ATP6V1B2: variants seen among roughly 807,000 people sequenced by gnomAD.
ATP6V1B2 encodes V-type proton ATPase subunit B, brain isoform.
Under a neutral mutation model 66.7 loss-of-function variants are expected in ATP6V1B2, and 23 were observed. That is an observed-to-expected ratio of 0.34 (90% CI 0.25 to 0.49). The LOEUF (loss-of-function observed/expected upper bound fraction) is 0.49, where lower values mean the gene tolerates loss of function less well. Among genes scored for constraint, ATP6V1B2 ranks in the 20% least tolerant of loss-of-function variants. The pLI is 0.99. For synonymous variants in ATP6V1B2, 278 were observed against 236.7 expected, an observed-to-expected ratio of 1.17 and a Z score of -1.60; for missense variants, 478 against 650.8, an observed-to-expected ratio of 0.73 and a Z score of 2.89.
chr8:20,206,772 G>T (rs2072742520), intron 2 of ATP6V1B2, among the ~76,000 whole-genome samples: 1 of 152,108 alleles, frequency 6.6e-6, no homozygotes, highest in African/African-American at 2.4e-5. Context: ...TAGCAGCGGT[G>T]ATTAGTCAAT....
rs764106165 is a variant in ATP6V1B2 at position 20,197,450 on chromosome 8, C to G, written c.44C>G (p.Pro15Arg). Residue 15 changes from proline to arginine, a missense_variant, in exon 1 of 14, where the codon CCC (proline) becomes CGC (arginine). Coordinates refer to ENST00000276390, the MANE Select transcript of ATP6V1B2 (RefSeq NM_001693.4). ...CGGGGGATTGTCAACGGGGCCGCAC[C>G]CGAGCTACCCGTGCCCACCGGTGGG... ...AMRGIVNGAA[P>R]ELPVPTGGPA... The G allele has an allele frequency of 2.6e-6, 4 of 1,541,098 alleles. No individual in the cohort carries two copies. The African/African-American group carries it at 4.3e-5, about 16-fold the overall frequency.
intron 2 of ATP6V1B2, among the ~76,000 whole-genome samples, chr8:20,206,105 A>G (rs998006391): frequency 4.6e-5 from 7 of 152,232 alleles, no homozygotes; most frequent in Non-Finnish European, 1.0e-4. Context: ...GCAGCAAATC[A>G]AGTACTTAGA....
In ATP6V1B2 at chr8:20,212,819, A is replaced by G. The variant is rs200116509; in HGVS notation, c.841A>G (p.Thr281Ala). 3 of 1,613,788 alleles carry G rather than the reference A, an allele frequency of 1.9e-6. No homozygotes were observed. Among genetic ancestry groups the G allele is most frequent in the East Asian group, 2.2e-5 (1 of 44,864 alleles). The change falls in exon 9 of 14, where the codon ACA becomes GCA. Residue 281 changes from threonine to alanine, a missense_variant. Around this residue, in one of 2 missense-constraint regions of ATP6V1B2, gnomAD observed 326 missense variants for 545.6 expected, o/e 0.60. Coordinates refer to ENST00000276390, the MANE Select transcript of ATP6V1B2 (RefSeq NM_001693.4). ...TATCACTCCTCGCCTGGCTCTAACCACAGCTGAATTTCTGGCGTACCAATG... is the reference window on the plus strand; with the variant it reads ...TATCACTCCTCGCCTGGCTCTAACCGCAGCTGAATTTCTGGCGTACCAATG... ...RIITPRLALT[T>A]AEFLAYQCEK...
chr8:20,220,828 GCC>G lies in ATP6V1B2; in HGVS notation c.*427_*428del, dbSNP rs2072899929. The G allele has an allele frequency of 6.5e-6, 1 of 154,348 alleles. No homozygotes were observed. The highest frequency in any genetic ancestry group is 2.4e-5 in the African/African-American group (1 of 41,522). The allele number at this position is 154,348 out of a possible 1,614,324, so 9.6% of individuals were successfully genotyped here. ...CTGAGAGAAGTCTCCTTTGAGAAGG[GCC>G]AAGAGGCTCTTTCCTGAGTGTTTGC... On this transcript the variant is annotated 3_prime_UTR_variant, in exon 14 of 14. Coordinates refer to ENST00000276390, the MANE Select transcript of ATP6V1B2 (RefSeq NM_001693.4).
intron 1 of ATP6V1B2, among the ~76,000 whole-genome samples, chr8:20,203,135 T>C (rs1447596617): frequency 6.6e-6 from 1 of 152,200 alleles, no homozygotes; most frequent in East Asian, 1.9e-4. Context: ...GGGGAATGAT[T>C]AATCCTTTCA....
intron 13 of ATP6V1B2, 94 bp downstream of exon 13, chr8:20,218,376 A>G: frequency 1.3e-6 from 2 of 1,498,798 alleles, no homozygotes; most frequent in Admixed American, 2.1e-5. Flanking sequence ...TGGTTTCTAT[A>G]TAGTTATTTC....
intron 12 of ATP6V1B2, among the ~76,000 whole-genome samples, chr8:20,217,729 T>C (rs145190315): frequency 6.6e-6 from 1 of 152,332 alleles, no homozygotes; most frequent in African/African-American, 2.4e-5. Flanking sequence ...CCTTGATTTT[T>C]ATACTCATAT....
intron 7 of ATP6V1B2, 112 bp downstream of exon 7, chr8:20,211,865 A>G (rs774806095): frequency 2.0e-6 from 2 of 976,258 alleles, no homozygotes; most frequent in Admixed American, 3.0e-5. Context: ...AAGAATTTGC[A>G]ATCTGGCATT....
chr8:20,211,510 C>T, intron 6 of ATP6V1B2, 142 bp from the exon 7 acceptor site: 3 of 1,278,216 alleles, frequency 2.3e-6, no homozygotes, highest in Non-Finnish European at 3.2e-6. Flanking sequence ...GCAAAAAGTA[C>T]AAAATAGTTT....
intron 13 of ATP6V1B2, 22 bp from the exon 14 acceptor site, chr8:20,220,241 A>T: frequency 2.5e-6 from 4 of 1,602,390 alleles, no homozygotes; most frequent in Non-Finnish European, 3.4e-6. Flanking sequence ...TGCATTTATT[A>T]ATTCAATCTC....
intron 10 of ATP6V1B2, 87 bp downstream of exon 10, chr8:20,215,055 G>A: frequency 7.3e-7 from 1 of 1,372,194 alleles, no homozygotes; most frequent in Non-Finnish European, 9.9e-7. Context: ...AAGTTATTTT[G>A]AGAACACATC....
At chr8:20,211,595 T>G in intron 6 of ATP6V1B2, 57 bp from the exon 7 acceptor site, 2 of 1,525,496 alleles carry the variant, frequency 1.3e-6, no homozygotes, top group Non-Finnish European at 1.8e-6. Flanking sequence ...TAAAAGTTAT[T>G]TTGTTGTAGA....
At chr8:20,205,605 AT>A in intron 2 of ATP6V1B2, among the ~76,000 whole-genome samples, 1 of 152,320 alleles carries the variant, frequency 6.6e-6, no homozygotes, top group Non-Finnish European at 1.5e-5. Flanking sequence ...TTGTAGAAAA[AT>A]CTATTTAGAC....
In ATP6V1B2 at chr8:20,211,194, C is replaced by G; in HGVS notation, c.481C>G (p.Gln161Glu). Residue 161 changes from glutamine to glutamate, a missense_variant, in exon 6 of 14, where the codon CAA becomes GAA. Gln to Glu is a conservative substitution (Grantham distance 29, BLOSUM62 2). Transcript: ENST00000276390. ...TACATTAGGTCAGCCAATCAACCCT[C>G]AATGTCGAATCTACCCAGAGGAAAT... ...LDIMGQPINP[Q>E]CRIYPEEMIQ... The G allele has an allele frequency of 6.2e-7, 1 of 1,612,536 alleles. No individual in the cohort carries two copies. Among genetic ancestry groups the G allele is most frequent in the Non-Finnish European group, 8.5e-7 (1 of 1,179,500 alleles).
chr8:20,217,558 CA>C (rs2072868432), intron 12 of ATP6V1B2, among the ~76,000 whole-genome samples: 2 of 152,076 alleles, frequency 1.3e-5, no homozygotes, highest in Admixed American at 6.5e-5. Flanking sequence ...ATCAAGTTTC[CA>C]AATAAAAAGC....
At position 20,208,068 on chromosome 8, in the gene ATP6V1B2, G is replaced by A. The variant is rs552718463; in HGVS notation, c.193-1365G>A. Among the ~76,000 whole-genome samples the A allele has an allele frequency of 4.6e-5, 7 of 152,284 alleles. No individual in the cohort carries two copies. In the South Asian group the frequency reaches 1.5e-3, roughly 32 times the overall value. On this transcript the variant is annotated intron_variant, in intron 2 of 13. Coordinates refer to ENST00000276390, the MANE Select transcript of ATP6V1B2 (RefSeq NM_001693.4). ...TTAAAAGCATAGATTGGCAAAGATG[G>A]AGGGAAAGGATACTTTTTTATATAG...
chr8:20,212,647 C>T, intron 8 of ATP6V1B2, 135 bp from the exon 9 acceptor site: 1 of 1,276,360 alleles, frequency 7.8e-7, no homozygotes, highest in Non-Finnish European at 1.1e-6. Context: ...TGTAAAATAA[C>T]AACTGCTTTA....
intron 11 of ATP6V1B2, chr8:20,216,728 T>C (rs887259129): frequency 2.8e-6 from 1 of 361,352 alleles, no homozygotes. Context: ...CAGAGTCACT[T>C]GTCTCCAAGA....
chr8:20,209,120 C>G (rs1168692907), intron 2 of ATP6V1B2, among the ~76,000 whole-genome samples: 1 of 152,172 alleles, frequency 6.6e-6, no homozygotes, highest in Non-Finnish European at 1.5e-5. Flanking sequence ...ACATGTTTAT[C>G]TGTACTTTTC....
Sources: allele counts gnomAD v4.1 joint callset (sites outside exome capture counted in the v4.1 genomes callset), GRCh38; gene constraint gnomAD v4.1.1; regional missense constraint gnomAD v4.1.1; transcripts MANE v1.5; gene names NCBI Gene and HGNC (gene_info 2026-07-23, HGNC 2026-07-21).